RBL2: variants seen among roughly 807,000 people sequenced by gnomAD.
RBL2 encodes the protein RB transcriptional corepressor like 2.
In RBL2, 56 loss-of-function variants were observed where a neutral mutation model predicts 126.0. That is an observed-to-expected ratio of 0.44 (90% CI 0.36 to 0.56). RBL2 has a LOEUF of 0.56. Among genes scored for constraint, RBL2 ranks in the 20% least tolerant of loss-of-function variants. RBL2 has a pLI of 0.00. For missense variants in RBL2, 1,229 were observed against 1,398.2 expected (o/e 0.88, Z 1.93); for synonymous variants, 454 against 478.5 (o/e 0.95, Z 0.67).
intron 14 of RBL2, 115 bp downstream of exon 14, chr16:53,467,284 T>G (rs2058281403): frequency 2.5e-6 from 2 of 806,320 alleles, no homozygotes; most frequent in Non-Finnish European, 4.0e-6. Flanking sequence ...ATTCTATGCA[T>G]TTTTGTACCA....
chr16:53,462,707 C>T (rs1478625845), intron 11 of RBL2, 52 bp downstream of exon 11: 1 of 1,212,920 alleles, frequency 8.2e-7, no homozygotes, highest in East Asian at 2.6e-5. Flanking sequence ...TAATTTCCTT[C>T]CTGCCCTATT....
intron 5 of RBL2, 124 bp from the exon 6 acceptor site, chr16:53,453,328 C>T (rs568799276): frequency 2.4e-6 from 2 of 838,510 alleles, no homozygotes; most frequent in South Asian, 2.6e-5. Flanking sequence ...CCCATATATA[C>T]TGTTTCCTAT....
At chr16:53,444,048 A>G (rs571500224) in intron 3 of RBL2, among the ~76,000 whole-genome samples, 5 of 152,290 alleles carry the variant, frequency 3.3e-5, no homozygotes, top group Admixed American at 2.6e-4. Context: ...CAGGAGTTCA[A>G]GACCAGCCTG....
At position 53,434,586 on chromosome 16, in the gene RBL2, G is replaced by T. The variant is rs1460996235; in HGVS notation, c.30G>T (p.Pro10=). 2.6e-6 allele frequency: 4 copies of T among 1,538,070 alleles called. No individual in the cohort carries two copies. Among genetic ancestry groups the T allele is most frequent in the Admixed American group, 1.9e-5 (1 of 52,904 alleles). ...CGTCGGGAGGTGACCAGTCGCCACCGCCCCCGCCTCCCCCTCCGGCGGCGG... is the reference window on the plus strand; with the variant it reads ...CGTCGGGAGGTGACCAGTCGCCACCTCCCCCGCCTCCCCCTCCGGCGGCGG... MPSGGDQSP[P]PPPPPPAAAA... Residue 10 remains proline (P), a synonymous_variant, in exon 1 of 22, where the codon CCG becomes CCT. Transcript: ENST00000262133.
rs756763534 is a variant in RBL2, at chr16:53,457,258, CT to C, written c.1180-2174del. On this transcript the variant is annotated intron_variant, in intron 8 of 21. Transcript: ENST00000262133. Reference sequence around the variant, plus strand: ...GGGTCATCAGGGTGGGTACAGATAGCTTTTTTTTTTTTTTTTTTTGAGATGG... The same window carrying C: ...GGGTCATCAGGGTGGGTACAGATAGCTTTTTTTTTTTTTTTTTTGAGATGG... 1.2e-3 allele frequency among the ~76,000 whole-genome samples: 106 copies of C among 89,930 alleles called. 2 individuals are homozygous for C. The highest frequency in any genetic ancestry group is 4.0e-3 in the South Asian group (10 of 2,474). 59.0% of individuals were successfully genotyped at this position (89,930 alleles called of 152,430 possible).
At chr16:53,451,990 A>AAG (rs2058120078) in intron 5 of RBL2, among the ~76,000 whole-genome samples, 159 bp downstream of exon 5, 1 of 152,032 alleles carries the variant, frequency 6.6e-6, no homozygotes, top group Non-Finnish European at 1.5e-5. Context: ...CTGTAAAAAT[A>AAG]TTTTTGGATA....
In RBL2 at chr16:53,462,528, T is replaced by G. The variant is rs540976906; in HGVS notation, c.1457-24T>G. On this transcript the variant is annotated intron_variant, in intron 10 of 21. Coordinates refer to ENST00000262133, the MANE Select transcript of RBL2 (RefSeq NM_005611.4). ...TTCTTTGTGTGCCATTTTTGTGGGGTTTTTTTTTTTATTATTTCTACAGAA... is the reference window on the plus strand; with the variant it reads ...TTCTTTGTGTGCCATTTTTGTGGGGGTTTTTTTTTTATTATTTCTACAGAA... The G allele has an allele frequency of 3.5e-3, 2,160 of 621,392 alleles. 37 individuals carry two copies. In the South Asian group the frequency reaches 0.077, roughly 22 times the overall value. 38.5% of individuals were successfully genotyped at this position (621,392 alleles called of 1,614,324 possible). A position where few individuals can be genotyped will look rare whatever the true frequency, so the allele number is the denominator to read the frequency against.
Position 53,434,728 on chromosome 16 carries a change from A to G in RBL2, c.172A>G (p.Met58Val), listed in dbSNP as rs779525722. The change falls in exon 1 of 22, where the codon ATG (methionine) becomes GTG (valine). Residue 58 changes from methionine to valine, a missense_variant. Met to Val is a conservative substitution (Grantham distance 21, BLOSUM62 1). Around this residue, in one of 2 missense-constraint regions of RBL2, gnomAD observed 159 missense variants for 123.9 expected, o/e 1.28. Transcript: ENST00000262133. ...RFDELCSRLN[M>V]DEAARAEAWD... ...CGACGAGCTGTGCAGCCGCCTCAAC[A>G]TGGACGAGGCGGCGCGGGCCGAGGC... 1.6e-4 allele frequency: 247 copies of G among 1,553,622 alleles called. 2 individuals carry two copies. In the Middle Eastern group the frequency reaches 1.6e-3, roughly 10 times the overall value.
rs997478635 is a variant in RBL2, at chr16:53,453,553, G to A, written c.868G>A (p.Ala290Thr). The change falls in exon 6 of 22, where the codon GCA becomes ACA. Residue 290 changes from alanine (A) to threonine (T), a missense_variant. Around this residue, in one of 2 missense-constraint regions of RBL2, gnomAD observed 1,070 missense variants for 1,274.3 expected, o/e 0.84. Transcript: ENST00000262133. ...CSLHDGLVLE[A>T]KGIKEHFWKP... Reference sequence around the variant, plus strand: ...CTTACATGATGGCCTAGTTTTGGAAGCAAAGGGGATAAAGGAACATTTCTG... The same window carrying A: ...CTTACATGATGGCCTAGTTTTGGAAACAAAGGGGATAAAGGAACATTTCTG... The A allele has an allele frequency of 6.2e-7, 1 of 1,613,526 alleles. No homozygotes were observed. The highest frequency in any genetic ancestry group is 8.5e-7 in the Non-Finnish European group (1 of 1,179,654).
chr16:53,440,105 G>T (rs1371522183), intron 2 of RBL2, among the ~76,000 whole-genome samples: 6 of 152,044 alleles, frequency 3.9e-5, no homozygotes, highest in African/African-American at 1.5e-4. Context: ...AGATCAGCCT[G>T]GCCAATATGG....
intron 11 of RBL2, 22 bp downstream of exon 11, chr16:53,462,677 TTGATCA>T (rs1201145584): frequency 1.4e-6 from 2 of 1,418,212 alleles, no homozygotes; most frequent in South Asian, 2.5e-5. Flanking sequence ...AACCAATGTA[TTGATCA>T]GCGCAATGAA....
chr16:53,438,076 C>T (rs1348591344), intron 1 of RBL2, among the ~76,000 whole-genome samples: 3 of 152,120 alleles, frequency 2.0e-5, no homozygotes, highest in Admixed American at 2.0e-4. Flanking sequence ...GTTTGCATTA[C>T]TATGGCTATA....
At chr16:53,447,842 ACCATGTTGGCCAGGCTGGTC>A (rs2058077033) in intron 4 of RBL2, among the ~76,000 whole-genome samples, 2 of 151,978 alleles carry the variant, frequency 1.3e-5, no homozygotes, top group Admixed American at 6.6e-5. Context: ...ATGGGGTTTC[ACCATGTTGGCCAGGCTGGTC>A]TCAAACTCCT....
intron 8 of RBL2, among the ~76,000 whole-genome samples, chr16:53,457,461 A>C (rs2058180741): frequency 6.6e-6 from 1 of 151,464 alleles, no homozygotes; most frequent in African/African-American, 2.4e-5. Flanking sequence ...GCATTTCACC[A>C]TCTTGGCTAG....
intron 2 of RBL2, among the ~76,000 whole-genome samples, chr16:53,442,326 A>C (rs2058024478): frequency 6.6e-6 from 1 of 152,114 alleles, no homozygotes; most frequent in Admixed American, 6.5e-5. Flanking sequence ...AAAAACGACA[A>C]AATTTATTTA....
At chr16:53,479,104 A>C in intron 17 of RBL2, 50 bp from the exon 18 acceptor site, 1 of 1,434,408 alleles carries the variant, frequency 7.0e-7, no homozygotes, top group Non-Finnish European at 9.8e-7. Flanking sequence ...TCCTCACACT[A>C]TTATGGTGGT....
chr16:53,473,901 G>A (rs1351707924), intron 17 of RBL2, among the ~76,000 whole-genome samples: 1 of 151,864 alleles, frequency 6.6e-6, no homozygotes, highest in African/African-American at 2.4e-5. Context: ...AGATGATCGT[G>A]TGCTTATTTT....
intron 17 of RBL2, among the ~76,000 whole-genome samples, chr16:53,473,829 A>G (rs1960613371): frequency 6.6e-6 from 1 of 151,698 alleles, no homozygotes; most frequent in Non-Finnish European, 1.5e-5. Flanking sequence ...TTCTTAGTTC[A>G]TTGAGTGTTT....
At chr16:53,443,066 C>T (rs887293026) in intron 3 of RBL2, among the ~76,000 whole-genome samples, 8 of 150,618 alleles carry the variant, frequency 5.3e-5, no homozygotes, top group Non-Finnish European at 8.9e-5. Flanking sequence ...TAAATGTATA[C>T]AGGTCTTTGT....
Sources: gnomAD v4.1 joint callset for allele counts (sites outside exome capture counted in the v4.1 genomes callset) on GRCh38, gnomAD v4.1.1 for gene constraint, gnomAD v4.1.1 regional missense constraint, MANE v1.5 for transcripts, NCBI Gene and HGNC (gene_info 2026-07-23, HGNC 2026-07-21) for gene names.